Variants in FNDC3B observed in about 807,000 individuals in gnomAD.
FNDC3B encodes fibronectin type III domain-containing protein 3B.
In FNDC3B, 12 loss-of-function variants were observed where a neutral mutation model predicts 151.5. The ratio of observed to expected loss-of-function variants is 0.08; its 90% CI spans 0.05 to 0.13. The LOEUF is 0.13. Among genes scored for constraint, FNDC3B ranks in the 10% least tolerant of loss-of-function variants. The probability of loss-of-function intolerance (pLI) is 1.00; values close to 1 mark genes in which losing one functional copy is unlikely to be tolerated. For missense variants in FNDC3B, 1,214 were observed against 1,505.3 expected, an observed-to-expected ratio of 0.81 and a Z score of 3.20; for synonymous variants, 528 against 549.0, an observed-to-expected ratio of 0.96 and a Z score of 0.54.
chr3:172,131,780 A>G (rs1434196431), intron 2 of FNDC3B, among the ~76,000 whole-genome samples: 2 of 152,262 alleles, frequency 1.3e-5, no homozygotes, highest in African/African-American at 4.8e-5. Flanking sequence ...AAAGTTTTAC[A>G]AAACAAATTA....
intron 3 of FNDC3B, among the ~76,000 whole-genome samples, chr3:172,174,923 T>TC (rs1376876199): frequency 9.6e-3 from 245 of 25,576 alleles, no homozygotes; most frequent in African/African-American, 0.012. Flanking sequence ...TTGGAGACCT[T>TC]CCCCCCGCCA....
At chr3:172,121,855 C>G (rs115827418) in intron 2 of FNDC3B, among the ~76,000 whole-genome samples, 4 of 152,320 alleles carry the variant, frequency 2.6e-5, no homozygotes, top group Non-Finnish European at 4.4e-5. Context: ...GTGTGAGCCA[C>G]TATGCCCGGC....
At chr3:172,176,279 T>G (rs1447971103) in intron 3 of FNDC3B, among the ~76,000 whole-genome samples, 2 of 152,146 alleles carry the variant, frequency 1.3e-5, no homozygotes, top group Non-Finnish European at 2.9e-5. Context: ...ACCAGCAAAT[T>G]TTAAAGAAGT....
At chr3:172,091,885 T>TGTGTGTGTGTGC (rs1718851954) in intron 1 of FNDC3B, among the ~76,000 whole-genome samples, 1 of 149,734 alleles carries the variant, frequency 6.7e-6, no homozygotes, top group African/African-American at 2.5e-5. Flanking sequence ...TGTGTGTGTG[T>TGTGTGTGTGTGC]GTGTGTGTGT....
At chr3:172,156,334 A>G (rs976668844) in intron 3 of FNDC3B, among the ~76,000 whole-genome samples, 3 of 152,242 alleles carry the variant, frequency 2.0e-5, no homozygotes, top group Non-Finnish European at 4.4e-5. Context: ...CTCAAATACA[A>G]TTTGACAAAA....
rs140664919 is a variant in FNDC3B at position 172,295,435 on chromosome 3, A to G, written c.922A>G (p.Ser308Gly). Residue 308 changes from serine (S) to glycine (G), a missense_variant, in exon 8 of 26, where the codon AGT (serine) becomes GGT (glycine). Coordinates refer to ENST00000415807, the MANE Select transcript of FNDC3B (RefSeq NM_022763.4). ...TGTTGGACTTTCCTGTGGACCCCAC[A>G]GTGGTCTTTCCTTCCCCTACAGTTA... is the stretch of plus-strand genomic sequence containing the variant. ...PPVGLSCGPH[S>G]GLSFPYSYEV... 667 of 1,614,034 alleles carry G rather than the reference A, an allele frequency of 4.1e-4. 4 individuals carry two copies. The African/African-American group carries it at 6.9e-3, about 17-fold the overall frequency.
rs548819454 is a variant in FNDC3B at position 172,170,408 on chromosome 3, T to C, written c.187+36862T>C. On this transcript the variant is annotated intron_variant, in intron 3 of 25. Coordinates refer to ENST00000415807, the MANE Select transcript of FNDC3B (RefSeq NM_022763.4). ...GGACTTCACCTTGCTGTGACAGTGGTTGGGGACCAGGAAGATGAGCAAGAA... is the reference window on the plus strand; with the variant it reads ...GGACTTCACCTTGCTGTGACAGTGGCTGGGGACCAGGAAGATGAGCAAGAA... Among the ~76,000 whole-genome samples the C allele has an allele frequency of 3.3e-5, 5 of 152,368 alleles. No homozygotes were observed. The South Asian group carries it at 1.0e-3, about 32-fold the overall frequency.
chr3:172,292,188 G>C (rs902876002), intron 7 of FNDC3B, among the ~76,000 whole-genome samples: 2 of 152,202 alleles, frequency 1.3e-5, no homozygotes, highest in African/African-American at 4.8e-5. Context: ...GGACAAGAAG[G>C]ATTTGGCCCC....
intron 13 of FNDC3B, among the ~76,000 whole-genome samples, chr3:172,331,217 T>C (rs899703668): frequency 2.0e-5 from 3 of 152,198 alleles, no homozygotes; most frequent in Admixed American, 6.5e-5. Context: ...ATCCTTCCTG[T>C]CTCAGTGCCT....
At chr3:172,376,963 A>G (rs559448014) in intron 23 of FNDC3B, among the ~76,000 whole-genome samples, 21 of 152,330 alleles carry the variant, frequency 1.4e-4, no homozygotes, top group African/African-American at 5.1e-4. Context: ...GCTCCAGCAC[A>G]TGGAAAAGCT....
intron 3 of FNDC3B, among the ~76,000 whole-genome samples, chr3:172,205,579 C>T (rs1162014577): frequency 3.3e-5 from 5 of 152,186 alleles, no homozygotes; most frequent in Non-Finnish European, 7.3e-5. Context: ...AGGATGGCCC[C>T]AGTATCTGCC....
rs1734426495 is a variant in FNDC3B, at chr3:172,362,736, G to A, written c.2899G>A (p.Ala967Thr). The A allele has an allele frequency of 6.2e-7, 1 of 1,613,906 alleles. No individual in the cohort carries two copies. Among genetic ancestry groups the A allele is most frequent in the South Asian group, 1.1e-5 (1 of 91,080 alleles). The change falls in exon 23 of 26, where the codon GCT becomes ACT. Residue 967 changes from alanine to threonine, a missense_variant. Ala to Thr is a moderately conservative substitution (Grantham distance 58). Coordinates refer to ENST00000415807, the MANE Select transcript of FNDC3B (RefSeq NM_022763.4). ...LPPLPPRLEC[A>T]AAGPQSLKLK... is the part of the protein sequence containing the mutation. Reference sequence around the variant, plus strand: ...ACCCTTGCCTCCTAGGCTAGAATGTGCTGCTGCTGGTCCTCAGAGCCTGAA... The same window carrying A: ...ACCCTTGCCTCCTAGGCTAGAATGTACTGCTGCTGGTCCTCAGAGCCTGAA...
intron 11 of FNDC3B, among the ~76,000 whole-genome samples, chr3:172,328,403 A>G (rs1732466286): frequency 6.6e-6 from 1 of 152,244 alleles, no homozygotes; most frequent in Non-Finnish European, 1.5e-5. Context: ...CATCACTAGA[A>G]TGTACTTGTG....
rs183983712 is a variant in FNDC3B at position 172,344,863 on chromosome 3, T to A, written c.2250+605T>A. ...TTGAAATTGCCAAATGATGTGGATT[T>A]AGGGGGAGATGAATAATGAGCAGTG... On this transcript the variant is annotated intron_variant, in intron 19 of 25. Transcript: ENST00000415807. Among the ~76,000 whole-genome samples the A allele has an allele frequency of 3.8e-3, 573 of 152,258 alleles. 4 individuals are homozygous for A. Among genetic ancestry groups the A allele is most frequent in the Middle Eastern group, 6.8e-3 (2 of 294 alleles).
At chr3:172,062,630 A>G (rs1474606653) in intron 1 of FNDC3B, among the ~76,000 whole-genome samples, 1 of 151,922 alleles carries the variant, frequency 6.6e-6, no homozygotes, top group East Asian at 1.9e-4. Flanking sequence ...TCATTGTTTG[A>G]TTATTGTATA....
chr3:172,093,757 T>C (rs1173709859), intron 1 of FNDC3B, among the ~76,000 whole-genome samples: 3 of 152,202 alleles, frequency 2.0e-5, no homozygotes, highest in Non-Finnish European at 4.4e-5. Context: ...GTGCTAACTT[T>C]AGTGTACTAA....
At chr3:172,359,015 TGGTGATGGTGGC>T (rs1734239782) in intron 22 of FNDC3B, among the ~76,000 whole-genome samples, 1 of 116,388 alleles carries the variant, frequency 8.6e-6, no homozygotes. Flanking sequence ...GTGGTGGTGG[TGGTGATGGTGGC>T]GGTGGTGTGT....
intron 3 of FNDC3B, among the ~76,000 whole-genome samples, chr3:172,149,109 T>A (rs1722080034): frequency 6.6e-6 from 1 of 152,206 alleles, no homozygotes; most frequent in Admixed American, 6.5e-5. Flanking sequence ...CAGTCTGGCC[T>A]CTTTAAATTT....
chr3:172,284,999 T>C (rs888454492), intron 6 of FNDC3B, among the ~76,000 whole-genome samples: 1 of 152,068 alleles, frequency 6.6e-6, no homozygotes, highest in African/African-American at 2.4e-5. Context: ...CTATCACTTA[T>C]CTTTTTTTGT....
Sources: allele counts gnomAD v4.1 joint callset (sites outside exome capture counted in the v4.1 genomes callset), GRCh38; gene constraint gnomAD v4.1.1; transcripts MANE v1.5; gene names NCBI Gene and HGNC (gene_info 2026-07-23, HGNC 2026-07-21).